Variants in FBXL7 observed in about 807,000 individuals in gnomAD.
FBXL7 encodes the protein F-box/LRR-repeat protein 7.
A neutral mutation model predicts 38.3 loss-of-function variants in FBXL7; 12 were observed. The observed-to-expected ratio is 0.31, with a 90% confidence interval of 0.20 to 0.51. The LOEUF is 0.51. FBXL7 is among the 20% of genes least tolerant of loss of function. The pLI is 0.98. For synonymous variants in FBXL7, 297 were observed against 300.9 expected (o/e 0.99, Z 0.13); for missense variants, 567 against 676.4 (o/e 0.84, Z 1.79).
intron 2 of FBXL7, among the ~76,000 whole-genome samples, chr5:15,790,004 C>A (rs1360433474): frequency 3.3e-5 from 5 of 152,208 alleles, no homozygotes; most frequent in African/African-American, 4.8e-5. Flanking sequence ...TCTTCCAACA[C>A]TGCTTGTTCC....
intron 2 of FBXL7, among the ~76,000 whole-genome samples, chr5:15,893,477 C>A (rs376759839): frequency 1.3e-5 from 2 of 152,064 alleles, no homozygotes; most frequent in South Asian, 2.1e-4. Context: ...GAACGTATCA[C>A]CTGAATAATT....
intron 1 of FBXL7, among the ~76,000 whole-genome samples, chr5:15,594,704 T>C (rs1257644864): frequency 6.6e-6 from 1 of 152,252 alleles, no homozygotes; most frequent in African/African-American, 2.4e-5. Flanking sequence ...GAATCAGGTT[T>C]TCAGAGTTAT....
At chr5:15,828,275 C>T (rs173998) in intron 2 of FBXL7, among the ~76,000 whole-genome samples, 81,066 of 152,014 alleles carry the variant, frequency 0.53, 22,833 homozygotes, top group Non-Finnish European at 0.63. Context: ...AATTGCCAGA[C>T]TTAGCAAATA....
At chr5:15,778,802 C>G (rs973840437) in intron 2 of FBXL7, among the ~76,000 whole-genome samples, 3 of 151,906 alleles carry the variant, frequency 2.0e-5, no homozygotes, top group Admixed American at 2.0e-4. Context: ...CTTCCAGAAG[C>G]CAAATAAAAC....
At chr5:15,534,105 G>T (rs538926353) in intron 1 of FBXL7, among the ~76,000 whole-genome samples, 3 of 152,062 alleles carry the variant, frequency 2.0e-5, no homozygotes, top group Non-Finnish European at 4.4e-5. Flanking sequence ...CAGGCACAGC[G>T]TCCTGCACTG....
At chr5:15,804,394 A>G (rs566034838) in intron 2 of FBXL7, among the ~76,000 whole-genome samples, 17 of 152,316 alleles carry the variant, frequency 1.1e-4, no homozygotes, top group African/African-American at 4.1e-4. Flanking sequence ...CCTTGAGCCC[A>G]GGAGTCAGAG....
intron 1 of FBXL7, among the ~76,000 whole-genome samples, chr5:15,525,491 A>T (rs1430596495): frequency 3.3e-5 from 5 of 152,174 alleles, no homozygotes; most frequent in African/African-American, 1.2e-4. Context: ...AAGCTGGAGA[A>T]GTGCAATCAC....
intron 2 of FBXL7, among the ~76,000 whole-genome samples, chr5:15,624,414 A>C (rs1227463976): frequency 6.6e-6 from 1 of 152,208 alleles, no homozygotes. Flanking sequence ...CCTCGCCTGC[A>C]CTTGTTGCTG....
chr5:15,899,904 C>T (rs767331024), intron 2 of FBXL7, among the ~76,000 whole-genome samples: 3 of 152,154 alleles, frequency 2.0e-5, no homozygotes, highest in Admixed American at 6.5e-5. Context: ...AAGAAAATGT[C>T]GCCAAGTATT....
chr5:15,525,369 A>G (rs895678121), intron 1 of FBXL7, among the ~76,000 whole-genome samples: 2 of 152,176 alleles, frequency 1.3e-5, no homozygotes, highest in Non-Finnish European at 2.9e-5. Flanking sequence ...AAACTTTTCC[A>G]TTTAAAAAAT....
chr5:15,797,788 C>G (rs1031476879), intron 2 of FBXL7, among the ~76,000 whole-genome samples: 1 of 145,658 alleles, frequency 6.9e-6, no homozygotes. Flanking sequence ...TCAGTAATAG[C>G]CTACAATTTA....
intron 2 of FBXL7, among the ~76,000 whole-genome samples, chr5:15,820,708 G>T (rs1206723629): frequency 2.0e-5 from 3 of 152,108 alleles, no homozygotes; most frequent in African/African-American, 7.2e-5. Flanking sequence ...TCAAAAAAAT[G>T]ACTGGTTAGG....
At chr5:15,713,917 C>T (rs186469960) in intron 2 of FBXL7, among the ~76,000 whole-genome samples, 66 of 152,326 alleles carry the variant, frequency 4.3e-4, no homozygotes, top group African/African-American at 1.5e-3. Context: ...CTACACTGTC[C>T]TTGGGAAACA....
At position 15,681,417 on chromosome 5, in the gene FBXL7, A is replaced by G. The variant is rs189127415; in HGVS notation, c.127+65345A>G. ...CATAGAAGAAACACTCTGTTGAAAA[A>G]TGTTCTCAACATATTGAAAAGTGTA... On this transcript the variant is annotated intron_variant, in intron 2 of 3. Transcript: ENST00000504595. Among the ~76,000 whole-genome samples the G allele has an allele frequency of 2.2e-3, 329 of 152,322 alleles. 2 individuals are homozygous for G. The highest frequency in any genetic ancestry group is 4.1e-3 in the Non-Finnish European group (276 of 68,000).
intron 2 of FBXL7, among the ~76,000 whole-genome samples, chr5:15,642,083 T>C (rs1204203364): frequency 6.6e-6 from 1 of 151,750 alleles, no homozygotes; most frequent in Non-Finnish European, 1.5e-5. Context: ...TAAAAGAACA[T>C]AATGCCCAAC....
rs1198933741 is a variant in FBXL7, at chr5:15,845,504, G to A, written c.128-82386G>A. Among the ~76,000 whole-genome samples, 4 of 151,464 alleles carry A rather than the reference G, an allele frequency of 2.6e-5. No homozygotes were observed. In the East Asian group the frequency reaches 7.7e-4, roughly 29 times the overall value. ...ACTAACCCATCTAGTATAAATAATT[G>A]GAAGGAGCTCATATTGCTAAATAAA... On this transcript the variant is annotated intron_variant, in intron 2 of 3. Transcript: ENST00000504595.
At chr5:15,876,578 T>C (rs10520827) in intron 2 of FBXL7, among the ~76,000 whole-genome samples, 12,362 of 152,204 alleles carry the variant, frequency 0.081, 604 homozygotes, top group Admixed American at 0.17. Flanking sequence ...ATTTGAGTAT[T>C]AGAAACGTGA....
chr5:15,743,624 G>T (rs1462195193), intron 2 of FBXL7, among the ~76,000 whole-genome samples: 6 of 152,170 alleles, frequency 3.9e-5, no homozygotes, highest in Non-Finnish European at 5.9e-5. Flanking sequence ...ACCATTCTGG[G>T]GTCTGGAGGA....
chr5:15,805,568 GTTCTTTGA>G (rs1737687093), intron 2 of FBXL7, among the ~76,000 whole-genome samples: 1 of 151,972 alleles, frequency 6.6e-6, no homozygotes, highest in Non-Finnish European at 1.5e-5. Flanking sequence ...TAATTACAAA[GTTCTTTGA>G]AAAAACCTAT....
Sources: allele counts gnomAD v4.1 joint callset (sites outside exome capture counted in the v4.1 genomes callset), GRCh38; gene constraint gnomAD v4.1.1; transcripts MANE v1.5; gene names NCBI Gene and HGNC (gene_info 2026-07-23, HGNC 2026-07-21).